WDR49: variants seen among roughly 807,000 people sequenced by gnomAD.
The protein encoded by WDR49 is WD repeat domain 49.
WDR49 carries 107 observed loss-of-function variants against 119.5 expected under a neutral mutation model. That is an observed-to-expected ratio of 0.90 (90% confidence interval 0.77 to 1.05). The LOEUF (loss-of-function observed/expected upper bound fraction) is 1.05. Among genes scored for constraint, WDR49 ranks in the 50% least tolerant of loss-of-function variants. The pLI, the probability that WDR49 is intolerant of heterozygous loss-of-function variation, is 0.00. For synonymous variants in WDR49, 425 were observed against 418.8 expected (o/e 1.01, Z -0.18); for missense variants, 1,240 against 1,220.5 (o/e 1.02, Z -0.24).
intron 7 of WDR49, 89 bp from the exon 8 acceptor site, chr3:167,576,240 A>G (rs1470254666): frequency 1.9e-6 from 2 of 1,059,608 alleles, no homozygotes; most frequent in Admixed American, 2.2e-5. Flanking sequence ...CCTCAATACC[A>G]GGCAGACAGT....
intron 7 of WDR49, among the ~76,000 whole-genome samples, chr3:167,596,468 C>T (rs1171554696): frequency 2.0e-5 from 3 of 150,862 alleles, no homozygotes; most frequent in African/African-American, 7.3e-5. Flanking sequence ...TTGGAACCAA[C>T]CCAAATGTCC....
At chr3:167,509,938 A>C (rs62277761) in intron 16 of WDR49, among the ~76,000 whole-genome samples, 38,903 of 145,024 alleles carry the variant, frequency 0.27, 5,052 homozygotes, top group South Asian at 0.3. Context: ...CTACTAAGTC[A>C]CAGTTATTTT....
At chr3:167,656,287 G>A (rs182239818), upstream of WDR49, among the ~76,000 whole-genome samples, 4 of 152,292 alleles carry the variant, frequency 2.6e-5, no homozygotes, top group African/African-American at 9.6e-5. Flanking sequence ...ATGGGAACAC[G>A]ATTTGTCTTC....
At chr3:167,650,000 C>A (rs541973876) in intron 2 of WDR49, among the ~76,000 whole-genome samples, 1 of 152,086 alleles carries the variant, frequency 6.6e-6, no homozygotes, top group Non-Finnish European at 1.5e-5. Context: ...TCAGACCAAA[C>A]GGGCAGCAAT....
intron 18 of WDR49, among the ~76,000 whole-genome samples, chr3:167,491,426 T>G (rs919279057): frequency 2.0e-5 from 3 of 152,102 alleles, no homozygotes; most frequent in Admixed American, 1.3e-4. Context: ...CTCTCTTTCC[T>G]TCCTCTTGAG....
rs781449098 is a variant in WDR49 at position 167,527,917 on chromosome 3, C to T, written c.2507G>A (p.Cys836Tyr). Residue 836 changes from cysteine to tyrosine, a missense_variant, in exon 15 of 19, where the codon TGT becomes TAT. By Grantham distance (194) the Cys-to-Tyr change is radical (BLOSUM62 -2). Transcript: ENST00000682715. ...HEDRISSLEM[C>Y]EPGGQLLIIS... The stretch of plus-strand genomic sequence containing the variant: ...AATCAGTAACTGACCACCTGGCTCA[C>T]ACATCTCTAAGGAACTTATTCGGTC... 6.2e-7 allele frequency: 1 copy of T among 1,613,316 alleles called. No individual in the cohort carries two copies. Among genetic ancestry groups the T allele is most frequent in the Non-Finnish European group, 8.5e-7 (1 of 1,179,596 alleles).
intron 16 of WDR49, among the ~76,000 whole-genome samples, chr3:167,521,999 TAGATAGATAG>T (rs1560266148): frequency 1.3e-4 from 19 of 146,938 alleles, no homozygotes; most frequent in East Asian, 4.2e-4. Context: ...GATAGATAGA[TAGATAGATAG>T]ATAGATAGAT....
intron 2 of WDR49, among the ~76,000 whole-genome samples, chr3:167,629,751 C>G (rs530303367): frequency 1.1e-4 from 17 of 152,124 alleles, no homozygotes; most frequent in Admixed American, 4.6e-4. Flanking sequence ...GATTCCAACC[C>G]TCATGGAAGA....
intron 3 of WDR49, among the ~76,000 whole-genome samples, 198 bp from the exon 4 acceptor site, chr3:167,621,841 C>G (rs1359541344): frequency 6.6e-6 from 1 of 152,082 alleles, no homozygotes; most frequent in African/African-American, 2.4e-5. Context: ...AAACTTTTCC[C>G]ATTAGAGGCA....
chr3:167,627,340 C>T, intron 2 of WDR49, 48 bp from the exon 3 acceptor site: 1 of 1,223,960 alleles, frequency 8.2e-7, no homozygotes, highest in Non-Finnish European at 1.0e-6. Context: ...GTGAAATCAT[C>T]ATATGCATGA....
chr3:167,543,186 T>C (rs1372371914), intron 10 of WDR49, among the ~76,000 whole-genome samples: 4 of 151,918 alleles, frequency 2.6e-5, no homozygotes, highest in Admixed American at 2.6e-4. Context: ...ACTGGATGGA[T>C]TCATAGCTGA....
intron 7 of WDR49, among the ~76,000 whole-genome samples, chr3:167,582,670 T>G (rs1465342496): frequency 6.6e-6 from 1 of 152,068 alleles, no homozygotes; most frequent in Non-Finnish European, 1.5e-5. Context: ...AGTTCTAATT[T>G]GCAATAGGCT....
In WDR49 at chr3:167,482,790, G is replaced by C. The variant is rs138662241; in HGVS notation, c.3032-3794C>G. Among the ~76,000 whole-genome samples, 506 of 152,208 alleles carry C rather than the reference G, an allele frequency of 3.3e-3. 5 individuals are homozygous for C. The highest frequency in any genetic ancestry group is 0.011 in the African/African-American group (471 of 41,546). On this transcript the variant is annotated intron_variant, in intron 18 of 18. Transcript: ENST00000682715. ...GCAGAAGTAAAATGGAAACAATGTG[G>C]AGTTAAGGCTGACAAAAATAGAAGG...
At chr3:167,553,822 A>AGT (rs1277789413) in intron 10 of WDR49, among the ~76,000 whole-genome samples, 2 of 152,128 alleles carry the variant, frequency 1.3e-5, no homozygotes, top group Non-Finnish European at 2.9e-5. Flanking sequence ...AAAATAGGGC[A>AGT]GTGTGTGGCA....
intron 16 of WDR49, among the ~76,000 whole-genome samples, chr3:167,512,085 A>G (rs1751998956): frequency 6.6e-6 from 1 of 152,246 alleles, no homozygotes; most frequent in African/African-American, 2.4e-5. Flanking sequence ...AGGGCAGCAC[A>G]CCCATTCCAC....
intron 7 of WDR49, among the ~76,000 whole-genome samples, chr3:167,591,811 A>T (rs915752650): frequency 2.0e-5 from 3 of 152,108 alleles, no homozygotes; most frequent in Non-Finnish European, 4.4e-5. Context: ...TCTTGTAGGC[A>T]ATAGATAATT....
intron 18 of WDR49, among the ~76,000 whole-genome samples, chr3:167,486,603 T>C (rs1014049249): frequency 2.6e-5 from 4 of 152,154 alleles, no homozygotes; most frequent in Admixed American, 6.5e-5. Context: ...GGGGTCCCTA[T>C]TCTTAAATCA....
At chr3:167,624,285 TA>T (rs540196408) in intron 3 of WDR49, among the ~76,000 whole-genome samples, 55 of 144,672 alleles carry the variant, frequency 3.8e-4, no homozygotes, top group African/African-American at 1.3e-3. Flanking sequence ...TGCAGAGCAA[TA>T]AAAAAAACTA....
intron 18 of WDR49, among the ~76,000 whole-genome samples, chr3:167,493,447 A>G (rs1751228791): frequency 6.6e-6 from 1 of 152,146 alleles, no homozygotes. Flanking sequence ...CCCTGTGGAT[A>G]GTTTCTCCTG....
Sources: gnomAD v4.1 joint callset for allele counts (sites outside exome capture counted in the v4.1 genomes callset) on GRCh38, gnomAD v4.1.1 for gene constraint, MANE v1.5 for transcripts, NCBI Gene and HGNC (gene_info 2026-07-23, HGNC 2026-07-21) for gene names.